Variants in CSTA observed in about 807,000 individuals in gnomAD.
The protein encoded by CSTA is cystatin-A.
In CSTA, 9 loss-of-function variants were observed where a neutral mutation model predicts 9.2. The observed-to-expected ratio is 0.97, with a 90% CI of 0.59 to 1.70. The LOEUF (loss-of-function observed/expected upper bound fraction) is 1.70. CSTA is among the 40% of genes most tolerant of loss of function. The pLI is 0.00. For synonymous variants in CSTA, 36 were observed against 40.6 expected (o/e 0.89, Z 0.43); for missense variants, 118 against 113.1 (o/e 1.04, Z -0.20).
At chr3:122,333,543 GAAA>G (rs2075216818) in intron 1 of CSTA, among the ~76,000 whole-genome samples, 1 of 25,822 alleles carries the variant, frequency 3.9e-5, no homozygotes, top group African/African-American at 2.6e-4. Context: ...AAAGAAAGAA[GAAA>G]GAAAGAAAGA....
chr3:122,336,847 A>G (rs1442485761), intron 1 of CSTA, among the ~76,000 whole-genome samples: 1 of 152,240 alleles, frequency 6.6e-6, no homozygotes, highest in East Asian at 1.9e-4. Context: ...TAATACTAAC[A>G]TAAGAGGAGA....
At chr3:122,339,837 A>C (rs1302473843) in intron 2 of CSTA, among the ~76,000 whole-genome samples, 11 of 152,190 alleles carry the variant, frequency 7.2e-5, no homozygotes, top group Admixed American at 7.2e-4. Flanking sequence ...GCCAGGCCTC[A>C]TTCCCCGATC....
At chr3:122,325,768 G>A (rs956938003) in intron 1 of CSTA, among the ~76,000 whole-genome samples, 4 of 152,078 alleles carry the variant, frequency 2.6e-5, no homozygotes, top group African/African-American at 7.2e-5. Flanking sequence ...TGCACTGCAG[G>A]GAAAATTTTT....
At chr3:122,337,825 T>C in intron 2 of CSTA, 177 bp downstream of exon 2, 1 of 638,560 alleles carries the variant, frequency 1.6e-6, no homozygotes, top group Non-Finnish European at 2.9e-6. Flanking sequence ...GACACCATTT[T>C]TTTTCTTGTG....
At chr3:122,329,345 G>A (rs982632860) in intron 1 of CSTA, among the ~76,000 whole-genome samples, 16 of 152,222 alleles carry the variant, frequency 1.1e-4, no homozygotes, top group African/African-American at 3.4e-4. Flanking sequence ...AGGCAGAAGC[G>A]GGCAGATTGC....
intron 1 of CSTA, among the ~76,000 whole-genome samples, chr3:122,336,220 G>A (rs2075236786): frequency 6.6e-6 from 1 of 152,116 alleles, no homozygotes; most frequent in South Asian, 2.1e-4. Context: ...AAGGAGCAGG[G>A]ACTCCTTGGA....
intron 2 of CSTA, among the ~76,000 whole-genome samples, chr3:122,340,802 C>T (rs1232372401): frequency 6.6e-6 from 1 of 152,162 alleles, no homozygotes; most frequent in East Asian, 1.9e-4. Context: ...AAAACAGTAT[C>T]ACCAAAAATA....
At chr3:122,330,484 C>A (rs914548856) in intron 1 of CSTA, among the ~76,000 whole-genome samples, 2 of 152,174 alleles carry the variant, frequency 1.3e-5, no homozygotes, top group East Asian at 3.9e-4. Context: ...TGGATGAGGG[C>A]AGAAAGAAAA....
intron 1 of CSTA, 35 bp from the exon 2 acceptor site, chr3:122,337,512 C>A: frequency 3.4e-6 from 5 of 1,459,022 alleles, no homozygotes; most frequent in Non-Finnish European, 4.8e-6. Context: ...TCTAATATAG[C>A]TTTGATTATT....
At chr3:122,337,803 G>A (rs931715895) in intron 2 of CSTA, 155 bp downstream of exon 2, 4 of 683,206 alleles carry the variant, frequency 5.9e-6, no homozygotes, top group South Asian at 1.7e-5. Context: ...TCTCAAATTT[G>A]GTAGATGATG....
intron 1 of CSTA, 121 bp from the exon 2 acceptor site, chr3:122,337,426 T>C: frequency 1.5e-6 from 1 of 684,334 alleles, no homozygotes; most frequent in Admixed American, 2.6e-5. Flanking sequence ...ATAAAAATAG[T>C]TCATAGATTT....
At chr3:122,329,490 C>G (rs2075191316) in intron 1 of CSTA, among the ~76,000 whole-genome samples, 1 of 152,110 alleles carries the variant, frequency 6.6e-6, no homozygotes, top group South Asian at 2.1e-4. Flanking sequence ...CACTTGCACT[C>G]AGGAAGTTGA....
At chr3:122,335,603 G>T (rs2075232081) in intron 1 of CSTA, among the ~76,000 whole-genome samples, 1 of 149,814 alleles carries the variant, frequency 6.7e-6, no homozygotes, top group Admixed American at 6.7e-5. Flanking sequence ...TGTGGTATTT[G>T]ATTTATTTTA....
rs1207203822 is a variant in CSTA at position 122,333,546 on chromosome 3, A to AGAAAGAAAGAAAGAAAGAAG, written c.67-3982_67-3981insGGAAAGAAAGAAAGAAAGAA. ...AAGAAAGAAAGAAAAGAAAGAAGAA[A>AGAAAGAAAGAAAGAAAGAAG]GAAAGAAAGAAAGAAAGAAAGAAAG... On this transcript the variant is annotated intron_variant, in intron 1 of 2. Transcript: ENST00000264474. 4.6e-3 allele frequency among the ~76,000 whole-genome samples: 322 copies of AGAAAGAAAGAAAGAAAGAAG among 70,524 alleles called. 2 individuals carry two copies. The highest frequency in any genetic ancestry group is 5.0e-3 in the Non-Finnish European group (169 of 33,698). 46.3% of individuals were successfully genotyped at this position (70,524 alleles called of 152,430 possible). A position where few individuals can be genotyped will look rare whatever the true frequency, so the allele number is the denominator to read the frequency against.
chr3:122,330,191 A>G (rs1347176893), intron 1 of CSTA, among the ~76,000 whole-genome samples: 1 of 152,152 alleles, frequency 6.6e-6, no homozygotes, highest in East Asian at 1.9e-4. Flanking sequence ...GACAATCTCC[A>G]CTACCTGTCA....
chr3:122,338,939 CCT>C (rs1229674929), intron 2 of CSTA, among the ~76,000 whole-genome samples: 1 of 151,584 alleles, frequency 6.6e-6, no homozygotes, highest in South Asian at 2.1e-4. Context: ...TAATCAGTCT[CCT>C]CTCTCTCTCT....
At position 122,326,016 on chromosome 3, in the gene CSTA, T is replaced by G. The variant is rs564203375; in HGVS notation, c.66+658T>G. On this transcript the variant is annotated intron_variant, in intron 1 of 2. Transcript: ENST00000264474. ...GTGTTTTTCACTTCTTCTTTTTTGT[T>G]TTGTTTTGTTTCATTTTTAAGAGAT... Among the ~76,000 whole-genome samples, 9 of 152,250 alleles carry G rather than the reference T, an allele frequency of 5.9e-5. No homozygotes were observed. In the South Asian group the frequency reaches 1.7e-3, roughly 28 times the overall value.
At chr3:122,331,348 C>T (rs1271342649) in intron 1 of CSTA, among the ~76,000 whole-genome samples, 5 of 152,096 alleles carry the variant, frequency 3.3e-5, no homozygotes, top group Non-Finnish European at 4.4e-5. Flanking sequence ...GTCGCCTCTC[C>T]CACTGTCCCA....
chr3:122,338,559 T>G (rs948732503), intron 2 of CSTA, among the ~76,000 whole-genome samples: 2 of 150,992 alleles, frequency 1.3e-5, no homozygotes, highest in African/African-American at 4.9e-5. Flanking sequence ...ATAAGAAAGT[T>G]TCAGTACAGA....
Sources: allele counts gnomAD v4.1 joint callset (sites outside exome capture counted in the v4.1 genomes callset), GRCh38; gene constraint gnomAD v4.1.1; transcripts MANE v1.5; gene names NCBI Gene and HGNC (gene_info 2026-07-23, HGNC 2026-07-21).